Variants in CACNA2D1 observed in about 807,000 individuals in gnomAD.
CACNA2D1 encodes the protein calcium voltage-gated channel auxiliary subunit alpha2delta 1, also known as voltage-dependent calcium channel subunit alpha-2/delta-1.
A neutral mutation model predicts 171.5 loss-of-function variants in CACNA2D1; 53 were observed. The ratio of observed to expected loss-of-function variants is 0.31; its 90% CI spans 0.25 to 0.39. The LOEUF (loss-of-function observed/expected upper bound fraction) is 0.39, where lower values mean the gene tolerates loss of function less well. CACNA2D1 is among the 10% of genes least tolerant of loss of function. CACNA2D1 has a pLI of 1.00. For missense variants in CACNA2D1, 903 were observed against 1,299.8 expected, an observed-to-expected ratio of 0.69 and a Z score of 4.69; for synonymous variants, 442 against 443.1, an observed-to-expected ratio of 1.00 and a Z score of 0.03.
intron 1 of CACNA2D1, among the ~76,000 whole-genome samples, chr7:82,417,551 TG>T (rs1184173857): frequency 6.6e-6 from 1 of 152,144 alleles, no homozygotes; most frequent in Non-Finnish European, 1.5e-5. Context: ...TGGACACCAC[TG>T]GCCACGGAAA....
chr7:82,217,871 T>G (rs556826389), intron 3 of CACNA2D1, among the ~76,000 whole-genome samples: 1 of 151,520 alleles, frequency 6.6e-6, no homozygotes, highest in African/African-American at 2.4e-5. Flanking sequence ...TTTTTTTTTT[T>G]AATGTGGGAG....
chr7:82,041,398 CA>C (rs1803951548), intron 10 of CACNA2D1, among the ~76,000 whole-genome samples: 1 of 151,990 alleles, frequency 6.6e-6, no homozygotes, highest in Non-Finnish European at 1.5e-5. Context: ...CTGACCGAGC[CA>C]GGTGGTATGT....
At chr7:82,379,219 T>G (rs1823397955) in intron 1 of CACNA2D1, among the ~76,000 whole-genome samples, 1 of 151,912 alleles carries the variant, frequency 6.6e-6, no homozygotes, top group South Asian at 2.1e-4. Flanking sequence ...TTGTAAGCTT[T>G]AAAAATTACA....
At chr7:82,231,037 T>C (rs1802874540) in intron 3 of CACNA2D1, among the ~76,000 whole-genome samples, 1 of 152,188 alleles carries the variant, frequency 6.6e-6, no homozygotes, top group Non-Finnish European at 1.5e-5. Flanking sequence ...TGTCAGCAAA[T>C]GTTCCTCTTG....
chr7:81,956,629 T>G (rs963269499), intron 38 of CACNA2D1, among the ~76,000 whole-genome samples: 4 of 152,086 alleles, frequency 2.6e-5, no homozygotes, highest in Non-Finnish European at 5.9e-5. Flanking sequence ...GCCAGAAGAC[T>G]TGTGGTTATT....
intron 4 of CACNA2D1, among the ~76,000 whole-genome samples, chr7:82,158,475 TAA>T (rs10589102): frequency 0.4 from 60,323 of 150,850 alleles, 12,289 homozygotes; most frequent in Middle Eastern, 0.53. Context: ...GAAACCAAGT[TAA>T]AAAAAAAAAG....
chr7:82,060,410 C>T lies in CACNA2D1; in HGVS notation c.879+18G>A, dbSNP rs544590655. On this transcript the variant is annotated intron_variant, in intron 10 of 38. Transcript: ENST00000356860. ...ATTGCAAATTTAATTCAGGAAAATG[C>T]AGTCATCTTATACTTACTGAAGCTA... 10 of 1,508,924 alleles carry T rather than the reference C, an allele frequency of 6.6e-6. No individual in the cohort carries two copies. Among genetic ancestry groups the T allele is most frequent in the Non-Finnish European group, 9.2e-6 (10 of 1,088,498 alleles). 93.5% of individuals were successfully genotyped at this position (1,508,924 alleles called of 1,614,324 possible).
rs1407089033 is a variant in CACNA2D1, at chr7:81,948,680, T to A, written c.*1712A>T. On this transcript the variant is annotated 3_prime_UTR_variant, in exon 39 of 39. Coordinates refer to ENST00000356860, the MANE Select transcript of CACNA2D1 (RefSeq NM_000722.4). Reference sequence around the variant, plus strand: ...AGGATATGTAAGAAAATTTCCAGCATATACACATACCAGTAATTGGCATGT... The same window carrying A: ...AGGATATGTAAGAAAATTTCCAGCAAATACACATACCAGTAATTGGCATGT... The A allele has an allele frequency of 6.6e-6, 1 of 151,920 alleles. No homozygotes were observed. The highest frequency in any genetic ancestry group is 1.5e-5 in the Non-Finnish European group (1 of 67,848). 9.4% of individuals were successfully genotyped at this position (151,920 alleles called of 1,614,324 possible).
At chr7:82,118,541 G>A (rs796134106) in intron 5 of CACNA2D1, among the ~76,000 whole-genome samples, 5 of 152,150 alleles carry the variant, frequency 3.3e-5, no homozygotes, top group African/African-American at 1.2e-4. Flanking sequence ...GTGCTTTCTG[G>A]TTTTTCCAAT....
chr7:82,414,885 T>C (rs1159109352), intron 1 of CACNA2D1, among the ~76,000 whole-genome samples: 1 of 152,182 alleles, frequency 6.6e-6, no homozygotes. Flanking sequence ...ATCACATCAT[T>C]ATCATTCTGA....
At chr7:81,954,443 C>G (rs1195430726) in intron 38 of CACNA2D1, among the ~76,000 whole-genome samples, 1 of 151,930 alleles carries the variant, frequency 6.6e-6, no homozygotes, top group East Asian at 1.9e-4. Context: ...TTTAAAAAAT[C>G]TAAACCATAG....
intron 3 of CACNA2D1, among the ~76,000 whole-genome samples, chr7:82,285,774 G>A (rs118010722): frequency 7.1e-4 from 108 of 152,196 alleles, no homozygotes; most frequent in Non-Finnish European, 1.2e-3. Context: ...TGATACTGGA[G>A]GCCATGGGAC....
chr7:82,202,901 G>C (rs1215478239), intron 3 of CACNA2D1, among the ~76,000 whole-genome samples: 2 of 152,156 alleles, frequency 1.3e-5, no homozygotes, highest in East Asian at 1.9e-4. Flanking sequence ...GATGTGGATA[G>C]ATTTGATTTT....
At chr7:82,320,290 G>A (rs146330390) in intron 3 of CACNA2D1, among the ~76,000 whole-genome samples, 6 of 152,058 alleles carry the variant, frequency 3.9e-5, no homozygotes, top group Admixed American at 6.6e-5. Flanking sequence ...TAACTTGGTC[G>A]CTGTCATTTA....
chr7:82,148,078 A>C (rs1375553162), intron 4 of CACNA2D1, among the ~76,000 whole-genome samples: 1 of 152,192 alleles, frequency 6.6e-6, no homozygotes, highest in East Asian at 1.9e-4. Context: ...TATTAGGCAC[A>C]GTAAGAGATT....
In CACNA2D1 at chr7:82,123,712, G is replaced by A. The variant is rs537331792; in HGVS notation, c.397-6539C>T. On this transcript the variant is annotated intron_variant, in intron 5 of 38. Transcript: ENST00000356860. ...ATCCAAAATGTGTAGCACTGGACAA[G>A]CAGCTTAAGCTCATTAAATTTTACT... is the stretch of plus-strand genomic sequence containing the variant. Among the ~76,000 whole-genome samples the A allele has an allele frequency of 4.6e-5, 7 of 152,186 alleles. No individual in the cohort carries two copies. In the South Asian group the frequency reaches 1.5e-3, roughly 32 times the overall value.
At chr7:81,959,619 C>A (rs1230184973) in intron 37 of CACNA2D1, 101 bp downstream of exon 37, 28 of 1,259,646 alleles carry the variant, frequency 2.2e-5, no homozygotes, top group African/African-American at 3.0e-5. Flanking sequence ...GTGATCAGAG[C>A]AGTCTAATAG....
chr7:82,417,477 C>T (rs921914371), intron 1 of CACNA2D1, among the ~76,000 whole-genome samples: 1 of 152,214 alleles, frequency 6.6e-6, no homozygotes, highest in Non-Finnish European at 1.5e-5. Flanking sequence ...ATAAAACTCA[C>T]TGATGTGACA....
At chr7:82,332,044 T>C (rs1817364549) in intron 3 of CACNA2D1, among the ~76,000 whole-genome samples, 1 of 152,160 alleles carries the variant, frequency 6.6e-6, no homozygotes. Flanking sequence ...TCAATTACTA[T>C]TTTTATTTAT....
Sources: allele counts gnomAD v4.1 joint callset (sites outside exome capture counted in the v4.1 genomes callset), GRCh38; gene constraint gnomAD v4.1.1; transcripts MANE v1.5; gene names NCBI Gene and HGNC (gene_info 2026-07-23, HGNC 2026-07-21).